Variants in VDAC1 observed in about 807,000 individuals in gnomAD.
VDAC1 encodes non-selective voltage-gated ion channel VDAC1.
Under a neutral mutation model 34.7 loss-of-function variants are expected in VDAC1, and 10 were observed. That is an observed-to-expected ratio of 0.29 (90% CI 0.18 to 0.49). The LOEUF (loss-of-function observed/expected upper bound fraction) is 0.49, where lower values mean the gene tolerates loss of function less well. Among genes scored for constraint, VDAC1 ranks in the 20% least tolerant of loss-of-function variants. The pLI is 0.99. For synonymous variants in VDAC1, 130 were observed against 136.0 expected (o/e 0.96, Z 0.30); for missense variants, 230 against 347.9 (o/e 0.66, Z 2.69).
intron 5 of VDAC1, among the ~76,000 whole-genome samples, chr5:133,983,215 TC>T (rs1251581904): frequency 6.7e-6 from 1 of 148,546 alleles, no homozygotes; most frequent in African/African-American, 2.5e-5. Context: ...ACCATTGCAC[TC>T]CAGCCTGGGC....
chr5:134,088,614 ACACT>A, the VDAC1 span, among the ~76,000 whole-genome samples: 5 of 152,216 alleles, frequency 3.3e-5, no homozygotes, highest in African/African-American at 4.8e-5. Flanking sequence ...GAAAAGAAAA[ACACT>A]CAGGAAAAGC....
At chr5:134,070,086 T>C in the VDAC1 span, among the ~76,000 whole-genome samples, 2 of 152,098 alleles carry the variant, frequency 1.3e-5, no homozygotes, top group African/African-American at 4.8e-5. Flanking sequence ...GCCATACAAA[T>C]GGGCAACCAG....
the VDAC1 span, among the ~76,000 whole-genome samples, chr5:134,034,129 A>G: frequency 1.3e-5 from 2 of 152,214 alleles, no homozygotes; most frequent in Non-Finnish European, 2.9e-5. Flanking sequence ...GACTAAAGAC[A>G]AAAAGATCAA....
At chr5:134,078,647 CTT>C in the VDAC1 span, among the ~76,000 whole-genome samples, 17 of 118,448 alleles carry the variant, frequency 1.4e-4, no homozygotes, top group Non-Finnish European at 1.7e-4. Context: ...CCTCAAGCAT[CTT>C]TTTTTTTTTT....
the VDAC1 span, among the ~76,000 whole-genome samples, chr5:134,020,052 A>ACT: frequency 6.6e-6 from 1 of 150,684 alleles, no homozygotes; most frequent in Non-Finnish European, 1.5e-5. Context: ...CCTGTGACCT[A>ACT]CTCTCTAGCC....
At chr5:133,973,388 C>T (rs149407064) in intron 8 of VDAC1, among the ~76,000 whole-genome samples, 6 of 152,282 alleles carry the variant, frequency 3.9e-5, no homozygotes, top group South Asian at 2.1e-4. Flanking sequence ...AACTATAATA[C>T]GCCGTGGACT....
At chr5:134,008,241 G>A (rs962572238), upstream of VDAC1, among the ~76,000 whole-genome samples, 1 of 151,404 alleles carries the variant, frequency 6.6e-6, no homozygotes, top group Non-Finnish European at 1.5e-5. Context: ...TGAAAATGAA[G>A]TAAGCCCATA....
intron 6 of VDAC1, among the ~76,000 whole-genome samples, chr5:133,979,080 T>C (rs979312723): frequency 5.3e-5 from 8 of 152,156 alleles, no homozygotes; most frequent in Non-Finnish European, 8.8e-5. Context: ...GCACAAAGAA[T>C]TTCTGTTATG....
intron 6 of VDAC1, 56 bp from the exon 7 acceptor site, chr5:133,976,077 A>C: frequency 1.2e-6 from 2 of 1,607,734 alleles, no homozygotes; most frequent in Non-Finnish European, 1.7e-6. Context: ...GCTGCAGCCC[A>C]GACAGATCCA....
chr5:134,096,332 A>AT, the VDAC1 span, among the ~76,000 whole-genome samples: 1 of 152,214 alleles, frequency 6.6e-6, no homozygotes, highest in South Asian at 2.1e-4. Context: ...CTCACCCTCC[A>AT]TGCCAGGTGA....
the VDAC1 span, among the ~76,000 whole-genome samples, chr5:134,041,863 C>A: frequency 1.3e-5 from 2 of 152,290 alleles, no homozygotes; most frequent in East Asian, 1.9e-4. Context: ...ATCCTGGCCA[C>A]CACCCCACAC....
At chr5:134,027,445 G>A in the VDAC1 span, among the ~76,000 whole-genome samples, 2 of 152,172 alleles carry the variant, frequency 1.3e-5, no homozygotes, top group Non-Finnish European at 2.9e-5. Flanking sequence ...GCCCCTCCCT[G>A]CCTTCCTTCC....
In VDAC1 at chr5:133,997,541, TAAAAAA is replaced by T. The variant is rs942105513; in HGVS notation, c.-6-4529_-6-4524del. ...GGCAAAACCCCGTCTCTACTAAAAATAAAAAAAAAATAAAAAAAAAAAATCACCCAG... is the reference window on the plus strand; with the variant it reads ...GGCAAAACCCCGTCTCTACTAAAAATAAAATAAAAAAAAAAAATCACCCAG... On this transcript the variant is annotated intron_variant, in intron 1 of 8. Transcript: ENST00000265333. Among the ~76,000 whole-genome samples the T allele has an allele frequency of 3.3e-3, 452 of 136,212 alleles. 2 individuals carry two copies. Among genetic ancestry groups the T allele is most frequent in the African/African-American group, 0.012 (437 of 36,286 alleles). 89.4% of individuals were successfully genotyped at this position (136,212 alleles called of 152,430 possible).
At chr5:134,010,577 G>A in the VDAC1 span, among the ~76,000 whole-genome samples, 1 of 152,090 alleles carries the variant, frequency 6.6e-6, no homozygotes, top group East Asian at 1.9e-4. Context: ...CAGCCTGGGG[G>A]ACAAGAGCGA....
intron 1 of VDAC1, among the ~76,000 whole-genome samples, chr5:134,004,188 C>T (rs1377291741): frequency 6.6e-6 from 1 of 152,028 alleles, no homozygotes; most frequent in Non-Finnish European, 1.5e-5. Context: ...GTGAGCTCAT[C>T]CCCGAGGCGG....
the VDAC1 span, among the ~76,000 whole-genome samples, chr5:134,055,588 G>GTTTTTTTTTTTTTT: frequency 6.7e-5 from 4 of 59,616 alleles, no homozygotes; most frequent in African/African-American, 1.4e-4. Context: ...CCCCGCTAAT[G>GTTTTTTTTTTTTTT]TTTTTTTTTT....
At chr5:133,997,556 A>T (rs917319362) in intron 1 of VDAC1, among the ~76,000 whole-genome samples, 1 of 151,356 alleles carries the variant, frequency 6.6e-6, no homozygotes, top group Non-Finnish European at 1.5e-5. Flanking sequence ...AAAAAATAAA[A>T]AAAAAAAATC....
chr5:134,112,683 C>T, the VDAC1 span, among the ~76,000 whole-genome samples: 2 of 152,178 alleles, frequency 1.3e-5, no homozygotes, highest in African/African-American at 4.8e-5. Flanking sequence ...ACTTGTCCCA[C>T]CACCATTTTA....
At chr5:134,058,347 T>C in the VDAC1 span, among the ~76,000 whole-genome samples, 20 of 151,496 alleles carry the variant, frequency 1.3e-4, no homozygotes, top group Admixed American at 1.2e-3. Flanking sequence ...GGAGTCTCAC[T>C]CTGTCGCCCA....
Sources: allele counts gnomAD v4.1 joint callset (sites outside exome capture counted in the v4.1 genomes callset), GRCh38; gene constraint gnomAD v4.1.1; transcripts MANE v1.5; gene names NCBI Gene and HGNC (gene_info 2026-07-23, HGNC 2026-07-21).